HOMER3: variants seen among roughly 807,000 people sequenced by gnomAD.
HOMER3 encodes homer scaffold protein 3.
HOMER3 carries 34 observed loss-of-function variants against 45.5 expected under a neutral mutation model. The observed-to-expected ratio is 0.75, with a 90% CI of 0.57 to 1.00. The LOEUF (loss-of-function observed/expected upper bound fraction) is 1.00, where lower values mean the gene tolerates loss of function less well. Ranked by LOEUF, HOMER3 falls within the 50% of genes least tolerant of loss-of-function variation. The pLI, the probability that HOMER3 is intolerant of heterozygous loss-of-function variation, is 0.00. For synonymous variants in HOMER3, 223 were observed against 208.8 expected, an observed-to-expected ratio of 1.07 and a Z score of -0.58; for missense variants, 480 against 497.5, an observed-to-expected ratio of 0.96 and a Z score of 0.33.
intron 5 of HOMER3, among the ~76,000 whole-genome samples, 168 bp downstream of exon 5, chr19:18,934,135 C>G (rs183995715): frequency 6.6e-5 from 10 of 152,376 alleles, no homozygotes; most frequent in Admixed American, 3.9e-4. Context: ...CCACACCACT[C>G]CTCTGTGGTC....
rs552061594 is a variant in HOMER3, at chr19:18,932,967, C to T, written c.490G>A (p.Gly164Ser). ...LFRSQSADAP[G>S]PTERERLKKM... ...TTTAGCCGCTCGCGCTCTGTGGGGC[C>T]GGGGGCATCAGCGCTCTGGCTGCGG... The change falls in exon 6 of 10, where the codon GGC becomes AGC. Residue 164 changes from glycine to serine, a missense_variant. Physicochemically the swap from Gly to Ser is moderately conservative, Grantham distance 56. Coordinates refer to ENST00000392351, the MANE Select transcript of HOMER3 (RefSeq NM_004838.4). 2.8e-6 allele frequency: 4 copies of T among 1,450,338 alleles called. No individual in the cohort carries two copies. The South Asian group carries it at 4.4e-5, about 16-fold the overall frequency. 89.8% of individuals were successfully genotyped at this position (1,450,338 alleles called of 1,614,324 possible). A position where few individuals can be genotyped will look rare whatever the true frequency, so the allele number is the denominator to read the frequency against.
chr19:18,932,502 G>A lies in HOMER3; in HGVS notation c.534-370C>T, dbSNP rs188921611. ...GGGATGTGGCGACACTGATTGCTGA[G>A]CTTGGGGATGGGGCAGTCCCGCAGA... On this transcript the variant is annotated intron_variant, in intron 6 of 9. Coordinates refer to ENST00000392351, the MANE Select transcript of HOMER3 (RefSeq NM_004838.4). Among the ~76,000 whole-genome samples the A allele has an allele frequency of 4.3e-3, 650 of 152,200 alleles. 3 individuals carry two copies. The highest frequency in any genetic ancestry group is 0.015 in the African/African-American group (615 of 41,520).
chr19:18,929,701 A>G (rs1040362389), intron 9 of HOMER3, 67 bp from the exon 10 acceptor site: 5 of 1,324,552 alleles, frequency 3.8e-6, no homozygotes, highest in Non-Finnish European at 5.0e-6. Flanking sequence ...AGGCATCCAG[A>G]GTCTGACCAC....
chr19:18,934,200 C>G, intron 5 of HOMER3, 103 bp downstream of exon 5: 1 of 612,082 alleles, frequency 1.6e-6, no homozygotes. Context: ...TGACGACCAG[C>G]AGAGTGCCCC....
At chr19:18,936,624 C>T (rs1024648398) in intron 4 of HOMER3, among the ~76,000 whole-genome samples, 13 of 151,640 alleles carry the variant, frequency 8.6e-5, no homozygotes, top group African/African-American at 3.1e-4. Context: ...CGAGATCGGG[C>T]CACTGCACTC....
Position 18,934,427 on chromosome 19 carries a change from GA to G in HOMER3, c.304-18del. On this transcript the variant is annotated intron_variant, in intron 4 of 9. Transcript: ENST00000392351. ...CTCGGCAAACTAAGGGAGTGGGGAG[GA>G]AAAGACAGTAAAACCCCAGCCCATC... The G allele has an allele frequency of 2.0e-6, 3 of 1,519,298 alleles. No homozygotes were observed. Among genetic ancestry groups the G allele is most frequent in the Admixed American group, 2.0e-5 (1 of 49,950 alleles). 94.1% of individuals were successfully genotyped at this position (1,519,298 alleles called of 1,614,324 possible). A position where few individuals can be genotyped will look rare whatever the true frequency, so the allele number is the denominator to read the frequency against.
In HOMER3 at chr19:18,929,245, A is replaced by G; in HGVS notation, c.*198T>C. The stretch of plus-strand genomic sequence containing the variant: ...TCGGGGGATCTAGAAATTCTACACA[A>G]TGAGAAGCTCAAAAACAGCCCCAAA... On this transcript the variant is annotated 3_prime_UTR_variant, in exon 10 of 10. Transcript: ENST00000392351. The G allele has an allele frequency of 1.3e-6, 1 of 766,904 alleles. No homozygotes were observed. Among genetic ancestry groups the G allele is most frequent in the Non-Finnish European group, 2.4e-6 (1 of 420,344 alleles). The allele number at this position is 766,904 out of a possible 1,614,324, so 47.5% of individuals were successfully genotyped here.
chr19:18,937,327 AAGGG>A (rs1272211646), intron 4 of HOMER3, among the ~76,000 whole-genome samples: 7 of 145,306 alleles, frequency 4.8e-5, no homozygotes, highest in African/African-American at 7.5e-5. Flanking sequence ...AAAAAAAAAG[AAGGG>A]AGGGAGGGAG....
intron 3 of HOMER3, 24 bp downstream of exon 3, chr19:18,938,704 G>GCCCCCCCCCCAACCCCCCCA: frequency 6.4e-7 from 1 of 1,561,852 alleles, no homozygotes; most frequent in Non-Finnish European, 8.7e-7. Context: ...TGGTGCCTCT[G>GCCCCCCCCCCAACCCCCCCA]CCCCACCCAG....
chr19:18,938,747 A>C lies in HOMER3; in HGVS notation c.152T>G (p.Ile51Ser). 6.5e-7 allele frequency: 1 copy of C among 1,547,330 alleles called. No homozygotes were observed. Among genetic ancestry groups the C allele is most frequent in the Non-Finnish European group, 8.8e-7 (1 of 1,132,202 alleles). ...CCTGACCTTGGCGCCTCCGATGCTGATGATGCGGTACACATTGCGGGTGGC... is the reference window on the plus strand; with the variant it reads ...CCTGACCTTGGCGCCTCCGATGCTGCTGATGCGGTACACATTGCGGGTGGC... ...YDATRNVYRI[I>S]SIGGAKAIIN... Residue 51 changes from isoleucine to serine, a missense_variant, in exon 3 of 10, where the codon ATC becomes AGC. Transcript: ENST00000392351.
In HOMER3 at chr19:18,932,987, C is replaced by A; in HGVS notation, c.470G>T (p.Ser157Ile). The change falls in exon 6 of 10, where the codon AGC (serine) becomes ATC (isoleucine). Residue 157 changes from serine (S) to isoleucine (I), a missense_variant. Physicochemically the swap from Ser to Ile is moderately radical, Grantham distance 142 (BLOSUM62 -2). Transcript: ENST00000392351. ...NGPGEEKLFRSQSADAPGPTE... is the reference protein window; with the variant it reads ...NGPGEEKLFRIQSADAPGPTE... ...GGGGCCGGGGGCATCAGCGCTCTGG[C>A]TGCGGAACAGTTTTTCCTCGCCGGG... The A allele has an allele frequency of 6.8e-7, 1 of 1,462,438 alleles. No homozygotes were observed. The highest frequency in any genetic ancestry group is 1.4e-5 in the South Asian group (1 of 69,914). 90.6% of individuals were successfully genotyped at this position (1,462,438 alleles called of 1,614,324 possible).
intron 4 of HOMER3, 80 bp from the exon 5 acceptor site, chr19:18,934,490 G>A (rs1429229881): frequency 2.6e-5 from 20 of 782,118 alleles, no homozygotes; most frequent in Admixed American, 6.9e-5. Context: ...TGACAGCCCC[G>A]CCACTTTCGA....
chr19:18,937,577 C>A, intron 4 of HOMER3, among the ~76,000 whole-genome samples: 1 of 148,452 alleles, frequency 6.7e-6, no homozygotes, highest in South Asian at 2.1e-4. Context: ...GAGGCTGAGG[C>A]AGGAGAATCG....
Position 18,938,405 on chromosome 19 carries a change from C to G in HOMER3, c.251G>C (p.Arg84Pro). ...GCCCAGGCCGTAGACTGTGTTGGCG[C>G]GACTGTCGGCCCACTGCCCGAACTT... Reference protein sequence around the residue: ...SQKFGQWADSRANTVYGLGFA... With the variant: ...SQKFGQWADSPANTVYGLGFA... The change falls in exon 4 of 10, where the codon CGC becomes CCC. Residue 84 changes from arginine to proline, a missense_variant. By Grantham distance (103) the Arg-to-Pro change is moderately radical. Transcript: ENST00000392351. 3 of 1,614,040 alleles carry G rather than the reference C, an allele frequency of 1.9e-6. No individual in the cohort carries two copies. Among genetic ancestry groups the G allele is most frequent in the Non-Finnish European group, 1.7e-6 (2 of 1,179,956 alleles).
At position 18,931,966 on chromosome 19, in the gene HOMER3, G is replaced by T. The variant is rs2057037731; in HGVS notation, c.690+10C>A. On this transcript the variant is annotated intron_variant, in intron 7 of 9. Coordinates refer to ENST00000392351, the MANE Select transcript of HOMER3 (RefSeq NM_004838.4). ...AGGTGGGGGTCTCTCGGAGGGAGGG[G>T]TGCCCTCACCCGCTGCCGCAGCCGC... 2.0e-6 allele frequency: 3 copies of T among 1,519,774 alleles called. No homozygotes were observed. The highest frequency in any genetic ancestry group is 1.8e-6 in the Non-Finnish European group (2 of 1,133,746). The allele number at this position is 1,519,774 out of a possible 1,614,324, so 94.1% of individuals were successfully genotyped here.
chr19:18,934,786 C>A (rs2057073742), intron 4 of HOMER3, among the ~76,000 whole-genome samples: 1 of 152,092 alleles, frequency 6.6e-6, no homozygotes, highest in African/African-American at 2.4e-5. Context: ...GCTGGGACTA[C>A]AGGTGTGTGC....
intron 9 of HOMER3, 24 bp downstream of exon 9, chr19:18,931,301 C>T: frequency 6.3e-7 from 1 of 1,599,640 alleles, no homozygotes; most frequent in Non-Finnish European, 8.6e-7. Flanking sequence ...CACCGTCACC[C>T]CACCTCCTTG....
intron 4 of HOMER3, among the ~76,000 whole-genome samples, chr19:18,937,437 G>C (rs755822364): frequency 6.6e-5 from 10 of 152,106 alleles, no homozygotes; most frequent in Admixed American, 1.3e-4. Context: ...AGCACTTTGG[G>C]AGGCCGAGGC....
intron 9 of HOMER3, among the ~76,000 whole-genome samples, chr19:18,929,875 G>A (rs1305369036): frequency 6.6e-6 from 1 of 152,002 alleles, no homozygotes. Flanking sequence ...GTGCAATGGC[G>A]TGATCTCGGC....
Sources: gnomAD v4.1 joint callset for allele counts (sites outside exome capture counted in the v4.1 genomes callset) on GRCh38, gnomAD v4.1.1 for gene constraint, MANE v1.5 for transcripts, NCBI Gene and HGNC (gene_info 2026-07-23, HGNC 2026-07-21) for gene names.